FGD5: variants seen among roughly 807,000 people sequenced by gnomAD.
The protein encoded by FGD5 is FYVE, RhoGEF and PH domain containing 5.
A neutral mutation model predicts 133.4 loss-of-function variants in FGD5; 28 were observed. The ratio of observed to expected loss-of-function variants is 0.21; its 90% CI spans 0.16 to 0.29. The LOEUF (loss-of-function observed/expected upper bound fraction) is 0.29, where lower values mean the gene tolerates loss of function less well. FGD5 is among the 10% of genes least tolerant of loss of function. The pLI, the probability that FGD5 is intolerant of heterozygous loss-of-function variation, is 1.00. For synonymous variants in FGD5, 810 were observed against 776.5 expected, an observed-to-expected ratio of 1.04 and a Z score of -0.72; for missense variants, 1,858 against 1,895.2, an observed-to-expected ratio of 0.98 and a Z score of 0.36.
chr3:14,810,723 C>T (rs1273635986), upstream of FGD5: 1 of 841,900 alleles, frequency 1.2e-6, no homozygotes, highest in South Asian at 5.4e-5. Flanking sequence ...CGAGGCGCGC[C>T]GGGGCCGGGC....
intron 4 of FGD5, among the ~76,000 whole-genome samples, chr3:14,881,829 A>G (rs1202325592): frequency 1.3e-5 from 2 of 151,930 alleles, no homozygotes; most frequent in Admixed American, 1.3e-4. Context: ...CTCCCAGGCC[A>G]CTCCCCTCGC....
At position 14,821,157 on chromosome 3, in the gene FGD5, G is replaced by A. The variant is rs2036491764; in HGVS notation, c.2086G>A (p.Asp696Asn). The A allele has an allele frequency of 1.2e-6, 2 of 1,613,924 alleles. No individual in the cohort carries two copies. Among genetic ancestry groups the A allele is most frequent in the East Asian group, 4.5e-5 (2 of 44,866 alleles). Reference sequence around the variant, plus strand: ...CGGGCCTTCCAGGATTCTGGAAGTTGACCGGAGAAGCCTCAGCAACTCCCC... The same window carrying A: ...CGGGCCTTCCAGGATTCTGGAAGTTAACCGGAGAAGCCTCAGCAACTCCCC... ...YHGPSRILEV[D>N]RRSLSNSPQL... Residue 696 changes from aspartate (D) to asparagine (N), a missense_variant, in exon 1 of 20, where the codon GAC becomes AAC. Asp to Asn is a conservative substitution (Grantham distance 23, BLOSUM62 1). This residue lies in a region of FGD5 where 1,824 missense variants were observed against 1,848.9 expected (regional missense o/e 0.99). Coordinates refer to ENST00000285046, the MANE Select transcript of FGD5 (RefSeq NM_152536.4).
intron 1 of FGD5, among the ~76,000 whole-genome samples, chr3:14,858,980 G>C (rs1327575075): frequency 6.6e-6 from 1 of 152,178 alleles, no homozygotes; most frequent in Non-Finnish European, 1.5e-5. Flanking sequence ...TTATTTTACT[G>C]CTAACTTCTG....
intron 1 of FGD5, among the ~76,000 whole-genome samples, chr3:14,828,945 G>A (rs1001440417): frequency 6.7e-6 from 1 of 150,310 alleles, no homozygotes; most frequent in Non-Finnish European, 1.5e-5. Context: ...AGGCACTCAT[G>A]ACCTTGCCTG....
chr3:14,926,306 G>A (rs1180537311), intron 18 of FGD5, 108 bp downstream of exon 18: 1 of 1,467,784 alleles, frequency 6.8e-7, no homozygotes, highest in Non-Finnish European at 9.3e-7. Context: ...TGGCTGCTGA[G>A]CCAGTTCTGG....
intron 4 of FGD5, 141 bp from the exon 5 acceptor site, chr3:14,897,368 G>A: frequency 1.0e-6 from 1 of 957,684 alleles, no homozygotes; most frequent in Non-Finnish European, 1.6e-6. Context: ...AGGTGAGACT[G>A]TTGGGTCTGG....
intron 1 of FGD5, among the ~76,000 whole-genome samples, chr3:14,855,669 G>A (rs2037263450): frequency 6.6e-6 from 1 of 151,416 alleles, no homozygotes; most frequent in Admixed American, 6.6e-5. Flanking sequence ...TTTGAGAAAT[G>A]TCTATTCATA....
intron 1 of FGD5, among the ~76,000 whole-genome samples, chr3:14,858,111 C>T (rs1431391606): frequency 6.6e-6 from 1 of 152,156 alleles, no homozygotes; most frequent in Non-Finnish European, 1.5e-5. Context: ...CAGAAGACTT[C>T]ACTCTGTACT....
chr3:14,895,066 TG>T (rs1267920651), intron 4 of FGD5, among the ~76,000 whole-genome samples: 8 of 152,232 alleles, frequency 5.3e-5, no homozygotes, highest in Admixed American at 1.3e-4. Flanking sequence ...TGGGCTTTTT[TG>T]CTATTTGAGT....
intron 1 of FGD5, among the ~76,000 whole-genome samples, chr3:14,845,210 C>T (rs1266253023): frequency 3.3e-5 from 5 of 152,182 alleles, no homozygotes; most frequent in Admixed American, 2.6e-4. Context: ...TCTGAAGGCA[C>T]CCTTGGATTG....
At chr3:14,931,724 T>A (rs2038902221) in intron 18 of FGD5, 1 of 152,244 alleles carries the variant, frequency 6.6e-6, no homozygotes, top group Admixed American at 6.5e-5. Flanking sequence ...ATCAAATTGT[T>A]AGCAACTTTA....
intron 1 of FGD5, among the ~76,000 whole-genome samples, chr3:14,852,109 G>A (rs1299382762): frequency 3.3e-5 from 5 of 152,144 alleles, no homozygotes; most frequent in East Asian, 1.9e-4. Flanking sequence ...ATATACCCAA[G>A]AGAAAGGAAA....
At chr3:14,900,926 T>A (rs2038226116) in intron 8 of FGD5, 77 bp from the exon 9 acceptor site, 2 of 1,559,060 alleles carry the variant, frequency 1.3e-6, no homozygotes, top group Non-Finnish European at 1.8e-6. Flanking sequence ...GCTTGAGGCC[T>A]GTGACCTGAC....
At chr3:14,896,000 T>TA (rs1240398676) in intron 4 of FGD5, among the ~76,000 whole-genome samples, 1 of 151,182 alleles carries the variant, frequency 6.6e-6, no homozygotes, top group Admixed American at 6.6e-5. Flanking sequence ...GTGAACAATC[T>TA]AAAAAAGAAA....
In FGD5 at chr3:14,932,750, A is replaced by G; in HGVS notation, c.4352+19A>G. The G allele has an allele frequency of 6.2e-7, 1 of 1,608,198 alleles. No homozygotes were observed. The highest frequency in any genetic ancestry group is 1.1e-5 in the South Asian group (1 of 90,128). On this transcript the variant is annotated intron_variant, in intron 19 of 19. Coordinates refer to ENST00000285046, the MANE Select transcript of FGD5 (RefSeq NM_152536.4). ...CTCAGAGGTACGAAAAGAACTAATT[A>G]GTCTTATAGCTTTTTGTTCTCTCAG...
chr3:14,909,954 C>G (rs1329854221), intron 10 of FGD5, among the ~76,000 whole-genome samples: 1 of 151,832 alleles, frequency 6.6e-6, no homozygotes. Context: ...TTAGTAGAGA[C>G]AGAGTTTCAC....
At chr3:14,861,974 G>A (rs551564025) in intron 1 of FGD5, among the ~76,000 whole-genome samples, 130 of 152,340 alleles carry the variant, frequency 8.5e-4, no homozygotes, top group African/African-American at 2.9e-3. Flanking sequence ...AGCTCAGGAA[G>A]GCACCAGTTA....
chr3:14,912,640 C>G (rs2038472401), intron 11 of FGD5, among the ~76,000 whole-genome samples: 1 of 152,208 alleles, frequency 6.6e-6, no homozygotes, highest in Non-Finnish European at 1.5e-5. Flanking sequence ...CCTCTGCATG[C>G]CAGGAACTGT....
At chr3:14,831,374 T>G (rs2036704246) in intron 1 of FGD5, among the ~76,000 whole-genome samples, 1 of 152,236 alleles carries the variant, frequency 6.6e-6, no homozygotes, top group Admixed American at 6.5e-5. Context: ...AGTTCAAAAC[T>G]GTAGCTAAGA....
Sources: gnomAD v4.1 joint callset for allele counts (sites outside exome capture counted in the v4.1 genomes callset) on GRCh38, gnomAD v4.1.1 for gene constraint, gnomAD v4.1.1 regional missense constraint, MANE v1.5 for transcripts, NCBI Gene and HGNC (gene_info 2026-07-23, HGNC 2026-07-21) for gene names.